The following KLHL22 variants were observed in gnomAD, a reference collection of about 807,000 sequenced individuals.
KLHL22 encodes the protein kelch like family member 22.
Under a neutral mutation model 60.7 loss-of-function variants are expected in KLHL22, and 18 were observed. The ratio of observed to expected loss-of-function variants is 0.30; its 90% confidence interval spans 0.20 to 0.44. The LOEUF is 0.44. KLHL22 is among the 20% of genes least tolerant of loss of function. The pLI is 1.00. For synonymous variants in KLHL22, 355 were observed against 354.5 expected (o/e 1.00, Z -0.01); for missense variants, 596 against 852.3 (o/e 0.70, Z 3.74).
chr22:20,494,714 AG>A (rs936538469), intron 1 of KLHL22, among the ~76,000 whole-genome samples: 2 of 152,150 alleles, frequency 1.3e-5, no homozygotes, highest in African/African-American at 4.8e-5. Context: ...TCACAAGCCA[AG>A]TTCCCCGTTT....
chr22:20,489,791 C>T, intron 1 of KLHL22: 1 of 471,204 alleles, frequency 2.1e-6, no homozygotes, highest in Non-Finnish European at 4.4e-6. Flanking sequence ...AGGAGACACA[C>T]AGCCAGGAGT....
At chr22:20,470,786 AGATGGATGGATGGATG>A (rs361774) in intron 3 of KLHL22, among the ~76,000 whole-genome samples, 4 of 137,648 alleles carry the variant, frequency 2.9e-5, no homozygotes, top group African/African-American at 5.5e-5. Flanking sequence ...ATGGATGGAT[AGATGGATGGATGGATG>A]GATGGATGGA....
chr22:20,486,317 A>G (rs919588953), intron 2 of KLHL22, among the ~76,000 whole-genome samples: 96 of 152,144 alleles, frequency 6.3e-4, no homozygotes, highest in African/African-American at 1.9e-3. Flanking sequence ...GGTTGGGATC[A>G]TCTTCCACCA....
chr22:20,484,402 C>T (rs971167010), intron 2 of KLHL22, among the ~76,000 whole-genome samples: 2 of 152,184 alleles, frequency 1.3e-5, no homozygotes, highest in Non-Finnish European at 2.9e-5. Flanking sequence ...TCAAGCGATT[C>T]TTGAGCCTCA....
At chr22:20,473,923 T>C (rs2053367543) in intron 2 of KLHL22, among the ~76,000 whole-genome samples, 1 of 132,260 alleles carries the variant, frequency 7.6e-6, no homozygotes, top group East Asian at 2.5e-4. Flanking sequence ...TCCCCTTGCC[T>C]CTGCTCCCAG....
Position 20,446,681 on chromosome 22 carries a change from G to A in KLHL22, c.1306-5C>T, listed in dbSNP as rs779070451. Reference sequence around the variant, plus strand: ...CGCGCCTGCGTGGGCATACACCTGTGTGGAGCCACCAGGAGAAATGGCGTG... The same window carrying A: ...CGCGCCTGCGTGGGCATACACCTGTATGGAGCCACCAGGAGAAATGGCGTG... On this transcript the variant is annotated splice_polypyrimidine_tract_variant and splice_region_variant and intron_variant, in intron 5 of 6. Coordinates refer to ENST00000328879, the MANE Select transcript of KLHL22 (RefSeq NM_032775.4). 4 of 1,606,476 alleles carry A rather than the reference G, an allele frequency of 2.5e-6. No individual in the cohort carries two copies. Among genetic ancestry groups the A allele is most frequent in the Admixed American group, 3.3e-5 (2 of 60,004 alleles).
At chr22:20,443,787 C>T (rs967273472) in intron 6 of KLHL22, among the ~76,000 whole-genome samples, 4 of 151,936 alleles carry the variant, frequency 2.6e-5, no homozygotes, top group African/African-American at 9.7e-5. Context: ...GTGGCTCACG[C>T]CTGTAATCCT....
At chr22:20,480,392 A>G (rs929984589) in intron 2 of KLHL22, among the ~76,000 whole-genome samples, 2 of 152,200 alleles carry the variant, frequency 1.3e-5, no homozygotes, top group African/African-American at 2.4e-5. Flanking sequence ...TAGCAGGGGA[A>G]TGACCAAATA....
At chr22:20,442,942 G>A (rs903114750) in intron 6 of KLHL22, among the ~76,000 whole-genome samples, 7 of 152,324 alleles carry the variant, frequency 4.6e-5, no homozygotes, top group East Asian at 1.9e-4. Context: ...AATTCCTTGC[G>A]GAGTAGTCAA....
At chr22:20,476,244 G>C (rs2053410194) in intron 2 of KLHL22, among the ~76,000 whole-genome samples, 2 of 151,980 alleles carry the variant, frequency 1.3e-5, no homozygotes, top group South Asian at 4.2e-4. Flanking sequence ...CTTTACAGTG[G>C]TCTGTCTGGC....
At chr22:20,483,042 C>A (rs1324996054) in intron 2 of KLHL22, 3 of 667,904 alleles carry the variant, frequency 4.5e-6, no homozygotes, top group Non-Finnish European at 8.2e-6. Flanking sequence ...TGGCACTGTC[C>A]CTCTGCCCGG....
chr22:20,467,735 T>C (rs2053257054), intron 3 of KLHL22, among the ~76,000 whole-genome samples: 1 of 152,178 alleles, frequency 6.6e-6, no homozygotes, highest in Non-Finnish European at 1.5e-5. Flanking sequence ...CTCGGCTCAC[T>C]GCAAGCTCCG....
intron 6 of KLHL22, among the ~76,000 whole-genome samples, chr22:20,444,739 A>G (rs1350741910): frequency 6.6e-6 from 1 of 152,158 alleles, no homozygotes; most frequent in Non-Finnish European, 1.5e-5. Context: ...CCCAGGACAA[A>G]AGTCACTGAG....
At chr22:20,447,082 C>T (rs1313945155) in intron 5 of KLHL22, among the ~76,000 whole-genome samples, 17 of 152,244 alleles carry the variant, frequency 1.1e-4, no homozygotes, top group Admixed American at 1.0e-3. Context: ...ACATGCAATC[C>T]TCCGGGCCTG....
chr22:20,487,006 G>A (rs1322911563), intron 2 of KLHL22, among the ~76,000 whole-genome samples: 2 of 151,952 alleles, frequency 1.3e-5, no homozygotes, highest in African/African-American at 4.8e-5. Context: ...TGCAACCTCC[G>A]CCTCCTGGGT....
At chr22:20,481,291 G>C (rs1308375150) in intron 2 of KLHL22, 1 of 152,066 alleles carries the variant, frequency 6.6e-6, no homozygotes, top group African/African-American at 2.4e-5. Flanking sequence ...ATAAAAATAG[G>C]CCGGGCACGG....
intron 6 of KLHL22, among the ~76,000 whole-genome samples, chr22:20,446,083 G>T (rs1264748894): frequency 6.6e-6 from 1 of 152,192 alleles, no homozygotes; most frequent in African/African-American, 2.4e-5. Flanking sequence ...AGAGTAATAA[G>T]CAAAGGTAGA....
intron 2 of KLHL22, chr22:20,484,114 GGGA>G: frequency 1.2e-6 from 1 of 821,870 alleles, no homozygotes. Flanking sequence ...ATGCTGTCCG[GGGA>G]GGAGAGCAAG....
intron 2 of KLHL22, 117 bp downstream of exon 2, chr22:20,488,868 G>A: frequency 1.1e-6 from 1 of 907,636 alleles, no homozygotes; most frequent in Non-Finnish European, 1.7e-6. Flanking sequence ...TAGCCACAAG[G>A]AGTAGGGGAG....
Sources: gnomAD v4.1 joint callset for allele counts (sites outside exome capture counted in the v4.1 genomes callset) on GRCh38, gnomAD v4.1.1 for gene constraint, MANE v1.5 for transcripts, NCBI Gene and HGNC (gene_info 2026-07-23, HGNC 2026-07-21) for gene names.